Variants in SLC10A7 observed in about 807,000 individuals in gnomAD.
SLC10A7 encodes sodium/bile acid cotransporter 7.
SLC10A7 carries 29 observed loss-of-function variants against 43.2 expected under a neutral mutation model. The observed-to-expected ratio is 0.67, with a 90% confidence interval of 0.50 to 0.92. The LOEUF (loss-of-function observed/expected upper bound fraction) is 0.92. Among genes scored for constraint, SLC10A7 ranks in the 40% least tolerant of loss-of-function variants. SLC10A7 has a pLI of 0.00. For missense variants in SLC10A7, 295 were observed against 403.2 expected, an observed-to-expected ratio of 0.73 and a Z score of 2.30; for synonymous variants, 152 against 144.8, an observed-to-expected ratio of 1.05 and a Z score of -0.35.
intron 4 of SLC10A7, among the ~76,000 whole-genome samples, chr4:146,503,369 C>G (rs1736595118): frequency 6.6e-6 from 1 of 152,204 alleles, no homozygotes; most frequent in African/African-American, 2.4e-5. Context: ...CCATAGTCCC[C>G]TAGCAGTTGA....
chr4:146,426,555 T>C (rs990049599), intron 5 of SLC10A7, among the ~76,000 whole-genome samples: 2 of 152,018 alleles, frequency 1.3e-5, no homozygotes, highest in African/African-American at 4.8e-5. Flanking sequence ...GAAGAAAAAC[T>C]TTTCCTTCTA....
intron 10 of SLC10A7, among the ~76,000 whole-genome samples, chr4:146,266,386 T>C (rs1728553807): frequency 6.6e-6 from 1 of 151,246 alleles, no homozygotes; most frequent in African/African-American, 2.4e-5. Flanking sequence ...ATGCCAATCT[T>C]TTTGCCCCTA....
At chr4:146,435,803 G>C (rs903924180) in intron 5 of SLC10A7, among the ~76,000 whole-genome samples, 5 of 151,988 alleles carry the variant, frequency 3.3e-5, no homozygotes, top group African/African-American at 1.2e-4. Context: ...CAACTGCTAG[G>C]ATCATCTTTC....
chr4:146,440,076 A>T (rs964581940), intron 5 of SLC10A7, among the ~76,000 whole-genome samples: 1 of 152,148 alleles, frequency 6.6e-6, no homozygotes, highest in African/African-American at 2.4e-5. Context: ...AGAATGTACT[A>T]GATGTCTCGA....
At position 146,255,677 on chromosome 4, in the gene SLC10A7, T is replaced by C. The variant is rs940550682; in HGVS notation, c.*814A>G. On this transcript the variant is annotated 3_prime_UTR_variant, in exon 12 of 12. Transcript: ENST00000335472. ...TTAATTGATGCTGCTTTCAAACTGA[T>C]TGTAACATTTTTGTGCCTCATATTT... The C allele has an allele frequency of 4.6e-5, 7 of 152,200 alleles. No homozygotes were observed. The highest frequency in any genetic ancestry group is 2.1e-4 in the South Asian group (1 of 4,834). The allele number at this position is 152,200 out of a possible 1,614,324, so 9.4% of individuals were successfully genotyped here. A position where few individuals can be genotyped will look rare whatever the true frequency, so the allele number is the denominator to read the frequency against.
At chr4:146,396,962 C>T (rs916859868) in intron 5 of SLC10A7, among the ~76,000 whole-genome samples, 6 of 152,126 alleles carry the variant, frequency 3.9e-5, no homozygotes, top group African/African-American at 1.4e-4. Flanking sequence ...TAACTGAATT[C>T]AGACTTTCGG....
At chr4:146,310,974 A>T (rs1731938096) in intron 6 of SLC10A7, among the ~76,000 whole-genome samples, 3 of 67,070 alleles carry the variant, frequency 4.5e-5, no homozygotes, top group African/African-American at 6.0e-5. Flanking sequence ...GGGGAGGGGG[A>T]TGAGGGGAAG....
intron 6 of SLC10A7, among the ~76,000 whole-genome samples, chr4:146,312,891 G>C (rs528492542): frequency 1.3e-5 from 2 of 152,208 alleles, no homozygotes; most frequent in East Asian, 3.9e-4. Context: ...TTCTAACCTA[G>C]AGGAAAGAGG....
At chr4:146,459,478 C>A (rs1160479559) in intron 4 of SLC10A7, among the ~76,000 whole-genome samples, 2 of 151,556 alleles carry the variant, frequency 1.3e-5, no homozygotes, top group South Asian at 4.2e-4. Flanking sequence ...GACAGATATA[C>A]GGATCAACAG....
chr4:146,510,446 G>A (rs962966397), intron 2 of SLC10A7, among the ~76,000 whole-genome samples: 1 of 151,830 alleles, frequency 6.6e-6, no homozygotes, highest in African/African-American at 2.4e-5. Context: ...TATTTTAGTA[G>A]GATGGGATTT....
intron 5 of SLC10A7, among the ~76,000 whole-genome samples, chr4:146,342,245 A>T (rs543598367): frequency 2.0e-5 from 3 of 151,756 alleles, no homozygotes; most frequent in Non-Finnish European, 3.0e-5. Context: ...TTATTTTTTA[A>T]TGTAGAAGTA....
At chr4:146,518,273 A>G (rs1382312464) in intron 1 of SLC10A7, among the ~76,000 whole-genome samples, 1 of 152,246 alleles carries the variant, frequency 6.6e-6, no homozygotes, top group Non-Finnish European at 1.5e-5. Flanking sequence ...AGCAGTAGAA[A>G]TCTTACCCTC....
In SLC10A7 at chr4:146,481,486, C is replaced by T. The variant is rs1734470135; in HGVS notation, c.396+22363G>A. On this transcript the variant is annotated intron_variant, in intron 4 of 11. Coordinates refer to ENST00000335472, the MANE Select transcript of SLC10A7 (RefSeq NM_001029998.6). ...ACCATTTCGGGGTCCAGAGTCACCT[C>T]ATCCCCCAGAGCCTGAGTTACCACT... is the stretch of plus-strand genomic sequence containing the variant. Among the ~76,000 whole-genome samples the T allele has an allele frequency of 2.6e-5, 4 of 152,342 alleles. No homozygotes were observed. In the South Asian group the frequency reaches 8.3e-4, roughly 32 times the overall value.
intron 5 of SLC10A7, among the ~76,000 whole-genome samples, chr4:146,374,358 G>A (rs1362895480): frequency 6.6e-6 from 1 of 151,978 alleles, no homozygotes; most frequent in Non-Finnish European, 1.5e-5. Context: ...GGAGGCCGAG[G>A]CAGGCAGATC....
At chr4:146,388,707 C>T (rs1350943107) in intron 5 of SLC10A7, among the ~76,000 whole-genome samples, 4 of 150,766 alleles carry the variant, frequency 2.7e-5, no homozygotes, top group South Asian at 4.2e-4. Flanking sequence ...TGCAGTGAGC[C>T]GAGATGTTGC....
intron 5 of SLC10A7, among the ~76,000 whole-genome samples, chr4:146,413,868 C>T (rs1451980294): frequency 6.6e-6 from 1 of 152,088 alleles, no homozygotes; most frequent in Non-Finnish European, 1.5e-5. Flanking sequence ...TTCTAAAGTC[C>T]TTAAATTCCT....
intron 5 of SLC10A7, among the ~76,000 whole-genome samples, chr4:146,415,753 T>C (rs1728514350): frequency 1.3e-5 from 2 of 152,226 alleles, no homozygotes; most frequent in South Asian, 4.1e-4. Context: ...ATTAAATCAG[T>C]AAAGTATACT....
intron 4 of SLC10A7, among the ~76,000 whole-genome samples, chr4:146,457,849 T>G (rs1420368331): frequency 6.6e-6 from 1 of 151,886 alleles, no homozygotes; most frequent in African/African-American, 2.4e-5. Context: ...TTAAAAACTT[T>G]CCCAAAATGC....
At chr4:146,368,147 C>T (rs748263572) in intron 5 of SLC10A7, among the ~76,000 whole-genome samples, 11 of 152,226 alleles carry the variant, frequency 7.2e-5, no homozygotes, top group Non-Finnish European at 1.6e-4. Context: ...GGGCCCCTTA[C>T]CTTGACACCA....
Sources: allele counts gnomAD v4.1 joint callset (sites outside exome capture counted in the v4.1 genomes callset), GRCh38; gene constraint gnomAD v4.1.1; transcripts MANE v1.5; gene names NCBI Gene and HGNC (gene_info 2026-07-23, HGNC 2026-07-21).